The following CCDC7 variants were observed in gnomAD, a reference collection of about 807,000 sequenced individuals.
The protein encoded by CCDC7 is coiled-coil domain-containing protein 7.
In CCDC7, 183 loss-of-function variants were observed where a neutral mutation model predicts 196.9. The ratio of observed to expected loss-of-function variants is 0.93; its 90% confidence interval spans 0.82 to 1.05. CCDC7 has a LOEUF of 1.05. CCDC7 is among the 50% of genes least tolerant of loss of function. The pLI, the probability that CCDC7 is intolerant of heterozygous loss-of-function variation, is 0.00. For missense variants in CCDC7, 1,540 were observed against 1,482.2 expected (o/e 1.04, Z -0.64); for synonymous variants, 525 against 484.6 (o/e 1.08, Z -1.10).
At chr10:32,618,770 C>A (rs755371364) in intron 18 of CCDC7, among the ~76,000 whole-genome samples, 1 of 152,000 alleles carries the variant, frequency 6.6e-6, no homozygotes, top group Non-Finnish European at 1.5e-5. Context: ...GCTGTGGTGA[C>A]TTCTTTTTGC....
intron 21 of CCDC7, chr10:32,675,619 T>C (rs2074816669): frequency 1.3e-5 from 2 of 152,386 alleles, no homozygotes; most frequent in East Asian, 1.9e-4. Flanking sequence ...TATACTTTCA[T>C]ATACTTTGGT....
At chr10:32,787,544 G>C (rs941785230) in intron 29 of CCDC7, among the ~76,000 whole-genome samples, 2 of 152,180 alleles carry the variant, frequency 1.3e-5, no homozygotes, top group African/African-American at 4.8e-5. Context: ...TGTGGAGAGA[G>C]ATATCCTTAA....
intron 31 of CCDC7, among the ~76,000 whole-genome samples, chr10:32,822,968 T>G (rs1234793392): frequency 6.6e-6 from 1 of 152,194 alleles, no homozygotes; most frequent in East Asian, 1.9e-4. Flanking sequence ...CCTGCTTATC[T>G]AAAAATCCTC....
intron 20 of CCDC7, among the ~76,000 whole-genome samples, chr10:32,663,080 T>C (rs2071856233): frequency 6.7e-6 from 1 of 150,034 alleles, no homozygotes; most frequent in Non-Finnish European, 1.5e-5. Flanking sequence ...TTCTTCATCC[T>C]TCTTGGGCAA....
intron 36 of CCDC7, 131 bp from the exon 38 acceptor site, chr10:32,846,245 A>G (rs1208773832): frequency 2.8e-5 from 18 of 636,594 alleles, no homozygotes; most frequent in Non-Finnish European, 4.7e-5. Context: ...TTACATAGGT[A>G]CCTATATCAT....
chr10:32,809,109 C>A, intron 30 of CCDC7, among the ~76,000 whole-genome samples: 1 of 152,084 alleles, frequency 6.6e-6, no homozygotes, highest in East Asian at 1.9e-4. Flanking sequence ...AGCCAATCCA[C>A]AAATTGAGAG....
intron 16 of CCDC7, among the ~76,000 whole-genome samples, chr10:32,579,801 A>G (rs1181883497): frequency 3.3e-5 from 5 of 152,240 alleles, no homozygotes; most frequent in African/African-American, 1.2e-4. Flanking sequence ...TTAAGACTAT[A>G]TACGATATGG....
At chr10:32,636,245 A>G (rs1056670151) in intron 20 of CCDC7, among the ~76,000 whole-genome samples, 14 of 152,138 alleles carry the variant, frequency 9.2e-5, no homozygotes, top group East Asian at 1.9e-4. Context: ...ATTTTTTATT[A>G]TACTTTAAGA....
chr10:32,601,893 C>G (rs1038651763), intron 18 of CCDC7, among the ~76,000 whole-genome samples: 2 of 152,066 alleles, frequency 1.3e-5, no homozygotes, highest in Admixed American at 1.3e-4. Flanking sequence ...AATCAGTGCT[C>G]TGTAAAATGG....
At chr10:32,489,007 G>T (rs994336392) in intron 8 of CCDC7, among the ~76,000 whole-genome samples, 2 of 152,186 alleles carry the variant, frequency 1.3e-5, no homozygotes, top group Non-Finnish European at 2.9e-5. Flanking sequence ...AAGGCTGTAG[G>T]TATCTGCAAC....
chr10:32,782,102 A>G (rs148954331), intron 29 of CCDC7, among the ~76,000 whole-genome samples: 161 of 152,352 alleles, frequency 1.1e-3, no homozygotes, highest in African/African-American at 3.8e-3. Flanking sequence ...AATTTAACCA[A>G]GAAGGCAAAA....
intron 28 of CCDC7, among the ~76,000 whole-genome samples, chr10:32,741,615 C>T (rs759224257): frequency 1.3e-5 from 2 of 152,176 alleles, no homozygotes; most frequent in African/African-American, 4.8e-5. Context: ...ATGAGTGGAC[C>T]CACACAGTTC....
rs1565634599 is a variant in CCDC7, at chr10:32,828,498, GAAGAAGAAGAA to G, written c.3268+3895_3268+3905del. Among the ~76,000 whole-genome samples the G allele has an allele frequency of 2.7e-4, 30 of 112,816 alleles. 1 individual carries two copies. Among genetic ancestry groups the G allele is most frequent in the Admixed American group, 8.5e-4 (9 of 10,614 alleles). 74.0% of individuals were successfully genotyped at this position (112,816 alleles called of 152,430 possible). On this transcript the variant is annotated intron_variant, in intron 32 of 41. Transcript: ENST00000639629. ...GGAAGAGGAAGAGGAAGAAGAAGAAGAAGAAGAAGAAGAAGAAGAAGAAGAAGAAGAAGAAG... is the reference window on the plus strand; with the variant it reads ...GGAAGAGGAAGAGGAAGAAGAAGAAGGAAGAAGAAGAAGAAGAAGAAGAAG...
intron 18 of CCDC7, among the ~76,000 whole-genome samples, chr10:32,619,788 A>G (rs1222291698): frequency 6.6e-6 from 1 of 151,714 alleles, no homozygotes; most frequent in African/African-American, 2.4e-5. Context: ...TTGTTGAGAC[A>G]AGGTCTTGCT....
At chr10:32,703,285 G>T (rs2079083656) in intron 24 of CCDC7, among the ~76,000 whole-genome samples, 1 of 152,028 alleles carries the variant, frequency 6.6e-6, no homozygotes, top group Non-Finnish European at 1.5e-5. Flanking sequence ...GCTTAGTTTG[G>T]CTGGATATGA....
intron 24 of CCDC7, among the ~76,000 whole-genome samples, chr10:32,708,962 C>A (rs2080307499): frequency 1.3e-5 from 2 of 152,168 alleles, no homozygotes; most frequent in South Asian, 4.1e-4. Context: ...CCAGCACTCC[C>A]ATTACTGGGT....
chr10:32,648,079 T>A (rs2068086225), intron 20 of CCDC7, among the ~76,000 whole-genome samples: 2 of 152,248 alleles, frequency 1.3e-5, no homozygotes, highest in Admixed American at 1.3e-4. Flanking sequence ...ATTTATTGAA[T>A]TGGGAGCCCT....
At chr10:32,743,343 A>C (rs2074111595) in intron 28 of CCDC7, among the ~76,000 whole-genome samples, 1 of 152,100 alleles carries the variant, frequency 6.6e-6, no homozygotes, top group Admixed American at 6.6e-5. Context: ...ATGTTCTCCC[A>C]TTCTGTAGGT....
At position 32,453,412 on chromosome 10, in the gene CCDC7, T is replaced by A; in HGVS notation, c.348T>A (p.His116Gln). 2.6e-6 allele frequency: 4 copies of A among 1,550,006 alleles called. No homozygotes were observed. In the South Asian group the frequency reaches 3.9e-5, roughly 15 times the overall value. The change falls in exon 2 of 42, where the codon CAT becomes CAA. Residue 116 changes from histidine (H) to glutamine (Q), a missense_variant. Physicochemically the swap from His to Gln is conservative, Grantham distance 24. Coordinates refer to ENST00000639629, the Ensembl canonical transcript of CCDC7. ...ATGGAGAAGAACCATTTGTAAAGCA[T>A]GAACATGAAGAATTATCTTTATCTG...
Sources: gnomAD v4.1 joint callset for allele counts (sites outside exome capture counted in the v4.1 genomes callset) on GRCh38, gnomAD v4.1.1 for gene constraint, MANE v1.5 for transcripts, NCBI Gene and HGNC (gene_info 2026-07-23, HGNC 2026-07-21) for gene names.